The following PHIP variants were observed in gnomAD, a reference collection of about 807,000 sequenced individuals.
PHIP encodes the protein PHIP subunit of CUL4-Ring ligase complex, also known as PH-interacting protein.
Under a neutral mutation model 236.8 loss-of-function variants are expected in PHIP, and 54 were observed. The observed-to-expected ratio is 0.23, with a 90% confidence interval of 0.18 to 0.29. The LOEUF is 0.29. Among genes scored for constraint, PHIP ranks in the 10% least tolerant of loss-of-function variants. PHIP has a pLI of 1.00. For synonymous variants in PHIP, 756 were observed against 718.9 expected, an observed-to-expected ratio of 1.05 and a Z score of -0.83; for missense variants, 1,370 against 2,190.8, an observed-to-expected ratio of 0.63 and a Z score of 7.48.
chr6:79,071,975 C>A (rs941712114), intron 4 of PHIP, among the ~76,000 whole-genome samples: 1 of 151,178 alleles, frequency 6.6e-6, no homozygotes, highest in Non-Finnish European at 1.5e-5. Flanking sequence ...CAAAAACTAA[C>A]TTACAAAGAA....
intron 6 of PHIP, among the ~76,000 whole-genome samples, chr6:79,058,995 TTTG>T (rs1356869372): frequency 2.0e-5 from 3 of 152,080 alleles, no homozygotes; most frequent in African/African-American, 7.2e-5. Flanking sequence ...CTCAAATTTT[TTTG>T]TTGTTTTAAT....
chr6:79,038,810 T>C (rs1433792480), intron 7 of PHIP, among the ~76,000 whole-genome samples: 22 of 152,218 alleles, frequency 1.4e-4, no homozygotes, highest in Admixed American at 1.4e-3. Context: ...TCTACTTGAC[T>C]TTCCACATAG....
At chr6:79,058,386 A>T (rs1378100654) in intron 6 of PHIP, among the ~76,000 whole-genome samples, 1 of 152,148 alleles carries the variant, frequency 6.6e-6, no homozygotes, top group Non-Finnish European at 1.5e-5. Flanking sequence ...GTATTTACTA[A>T]TCTGACCATC....
In PHIP at chr6:78,947,610, T is replaced by A. The variant is rs775855546; in HGVS notation, c.4206+13A>T. On this transcript the variant is annotated intron_variant, in intron 36 of 39. Transcript: ENST00000275034. The stretch of plus-strand genomic sequence containing the variant: ...TTAATCTAGTCATAAAAGAAAATAA[T>A]GTAATTATATACCCTTGATCTTTTG... The A allele has an allele frequency of 7.9e-7, 1 of 1,262,486 alleles. No individual in the cohort carries two copies. The highest frequency in any genetic ancestry group is 2.4e-5 in the East Asian group (1 of 41,540). 78.2% of individuals were successfully genotyped at this position (1,262,486 alleles called of 1,614,324 possible). A position where few individuals can be genotyped will look rare whatever the true frequency, so the allele number is the denominator to read the frequency against.
chr6:78,971,675 C>T (rs185875128), intron 24 of PHIP, among the ~76,000 whole-genome samples: 20 of 152,158 alleles, frequency 1.3e-4, no homozygotes, highest in South Asian at 6.2e-4. Flanking sequence ...GTGCGCGCAC[C>T]GTGTGCGAGC....
chr6:78,958,747 C>A, intron 31 of PHIP, 147 bp from the exon 32 acceptor site: 1 of 618,522 alleles, frequency 1.6e-6, no homozygotes, highest in South Asian at 2.0e-5. Flanking sequence ...TTCAAAGCAG[C>A]ATAACTGCAT....
rs2127731828 is a variant in PHIP at position 79,002,122 on chromosome 6, T to A, written c.1656A>T (p.Ile552=). The A allele has an allele frequency of 6.2e-7, 1 of 1,605,180 alleles. No homozygotes were observed. Among genetic ancestry groups the A allele is most frequent in the Non-Finnish European group, 8.5e-7 (1 of 1,173,072 alleles). ...GFGSSSKYDK[I]ADQMFFHSDY... ...CACTATGAAAGAACATCTGATCTGC[T>A]ATCTGCAAAAAGAAAAGTCCATAAA... The change falls in exon 17 of 40, where the codon ATA becomes ATT. Residue 552 remains isoleucine, a splice_region_variant and synonymous_variant. Transcript: ENST00000275034.
chr6:78,940,217 C>G lies in PHIP; in HGVS notation c.*476G>C, dbSNP rs1256993767. On this transcript the variant is annotated 3_prime_UTR_variant, in exon 40 of 40. Transcript: ENST00000275034. ...TTTAGAGGAAACATTTCTTAATTCA[C>G]TGCTACTCTGTATAACATCTATCTT... The G allele has an allele frequency of 6.6e-6, 1 of 151,932 alleles. No individual in the cohort carries two copies. The highest frequency in any genetic ancestry group is 1.5e-5 in the Non-Finnish European group (1 of 67,902). The allele number at this position is 151,932 out of a possible 1,614,324, so 9.4% of individuals were successfully genotyped here.
At chr6:79,032,720 T>TG (rs1011863214) in intron 7 of PHIP, among the ~76,000 whole-genome samples, 1 of 151,724 alleles carries the variant, frequency 6.6e-6, no homozygotes, top group Non-Finnish European at 1.5e-5. Flanking sequence ...TCCAAACTCC[T>TG]GTTAATGTTG....
intron 15 of PHIP, among the ~76,000 whole-genome samples, chr6:79,010,821 C>A (rs905826927): frequency 6.6e-6 from 1 of 151,856 alleles, no homozygotes; most frequent in Non-Finnish European, 1.5e-5. Flanking sequence ...TGAAAAGTCT[C>A]TATCTTTTCA....
rs187898298 is a variant in PHIP, at chr6:79,045,058, T to C, written c.440-2055A>G. Among the ~76,000 whole-genome samples the C allele has an allele frequency of 3.4e-3, 511 of 152,328 alleles. 3 individuals carry two copies. The highest frequency in any genetic ancestry group is 8.5e-3 in the African/African-American group (353 of 41,584). On this transcript the variant is annotated intron_variant, in intron 6 of 39. Coordinates refer to ENST00000275034, the MANE Select transcript of PHIP (RefSeq NM_017934.7). ...TGAAACATATTTATAGCTAAAACTA[T>C]ATTCCACACTACCCTTTGTAATGCT...
intron 23 of PHIP, among the ~76,000 whole-genome samples, chr6:78,981,676 C>A (rs76062709): frequency 0.011 from 1,601 of 152,020 alleles, 28 homozygotes; most frequent in African/African-American, 0.036. Flanking sequence ...TCACTGCAAA[C>A]CTCAAAAGTT....
intron 35 of PHIP, among the ~76,000 whole-genome samples, chr6:78,950,621 G>C: frequency 6.6e-6 from 1 of 152,048 alleles, no homozygotes; most frequent in East Asian, 1.9e-4. Context: ...TATATATGTA[G>C]AATTCTTTGT....
At position 79,060,649 on chromosome 6, in the gene PHIP, T is replaced by C. The variant is rs777792287; in HGVS notation, c.340+19A>G. The C allele has an allele frequency of 1.9e-6, 3 of 1,609,766 alleles. No individual in the cohort carries two copies. Among genetic ancestry groups the C allele is most frequent in the Admixed American group, 1.7e-5 (1 of 59,260 alleles). On this transcript the variant is annotated intron_variant, in intron 5 of 39. Transcript: ENST00000275034. ...AGTGAGATAAATAATGTCTAAATCC[T>C]ATGAGAAAATTTTCATACTTTTATT...
intron 7 of PHIP, among the ~76,000 whole-genome samples, chr6:79,041,686 T>G (rs1310019764): frequency 6.6e-6 from 1 of 152,090 alleles, no homozygotes; most frequent in Non-Finnish European, 1.5e-5. Context: ...ATTACTACTG[T>G]AGGTATGTCA....
At chr6:79,023,546 T>A (rs1371848623) in intron 9 of PHIP, among the ~76,000 whole-genome samples, 1 of 152,090 alleles carries the variant, frequency 6.6e-6, no homozygotes, top group East Asian at 1.9e-4. Context: ...CTAAGTTGTA[T>A]ATAACAACTC....
Position 78,935,264 on chromosome 6 carries a change from A to G in PHIP, c.*5429T>C, listed in dbSNP as rs1240872041. Among the ~76,000 whole-genome samples, 1 of 152,116 alleles carries G rather than the reference A, an allele frequency of 6.6e-6. No individual in the cohort carries two copies. The highest frequency in any genetic ancestry group is 1.5e-5 in the Non-Finnish European group (1 of 67,988). ...ATTATATACAAAATCATTTTAACAA[A>G]ACATCTTAGGGAGAAATTAACACAA... On this transcript the variant is annotated 3_prime_UTR_variant, in exon 40 of 40. Coordinates refer to ENST00000275034, the MANE Select transcript of PHIP (RefSeq NM_017934.7).
At chr6:79,074,273 AG>A (rs1360138393) in intron 4 of PHIP, among the ~76,000 whole-genome samples, 1 of 152,096 alleles carries the variant, frequency 6.6e-6, no homozygotes, top group Non-Finnish European at 1.5e-5. Flanking sequence ...GGGAAAAAAG[AG>A]AAGTCTTACA....
At chr6:78,969,448 G>C (rs367702120) in intron 27 of PHIP, among the ~76,000 whole-genome samples, 1 of 152,108 alleles carries the variant, frequency 6.6e-6, no homozygotes, top group East Asian at 1.9e-4. Context: ...TAATTTTAAA[G>C]ATTATAATAG....
Sources: gnomAD v4.1 joint callset for allele counts (sites outside exome capture counted in the v4.1 genomes callset) on GRCh38, gnomAD v4.1.1 for gene constraint, MANE v1.5 for transcripts, NCBI Gene and HGNC (gene_info 2026-07-23, HGNC 2026-07-21) for gene names.